CFL2: variants seen among roughly 807,000 people sequenced by gnomAD.
CFL2 encodes cofilin-2.
In CFL2, 10 loss-of-function variants were observed where a neutral mutation model predicts 19.6. The observed-to-expected ratio is 0.51, with a 90% CI of 0.31 to 0.86. The LOEUF (loss-of-function observed/expected upper bound fraction) is 0.86, where lower values mean the gene tolerates loss of function less well. CFL2 is among the 40% of genes least tolerant of loss of function. The pLI, the probability that CFL2 is intolerant of heterozygous loss-of-function variation, is 0.04. For missense variants in CFL2, 125 were observed against 192.1 expected (o/e 0.65, Z 2.06); for synonymous variants, 63 against 66.7 (o/e 0.95, Z 0.27).
chr14:34,711,520 T>C lies in CFL2; in HGVS notation c.*1345A>G, dbSNP rs2138469414. 2.2e-6 allele frequency: 1 copy of C among 454,538 alleles called. No homozygotes were observed. The highest frequency in any genetic ancestry group is 4.4e-6 in the Non-Finnish European group (1 of 226,792). The allele number at this position is 454,538 out of a possible 1,614,324, so 28.2% of individuals were successfully genotyped here. A position where few individuals can be genotyped will look rare whatever the true frequency, so the allele number is the denominator to read the frequency against. The stretch of plus-strand genomic sequence containing the variant: ...ATTTGCAAAATATATTCAGAAATAG[T>C]AGGTGAAATGACTGTTCCGAAACAT... On this transcript the variant is annotated 3_prime_UTR_variant, in exon 4 of 4. Coordinates refer to ENST00000298159, the MANE Select transcript of CFL2 (RefSeq NM_138638.5).
At position 34,709,655 on chromosome 14, in the gene CFL2, G is replaced by T. The variant is rs1885220190; in HGVS notation, c.*3210C>A. Reference sequence around the variant, plus strand: ...AAAAAAAAAAAAATTAGGCATGGTGGTGCATGCCTGTAGTCCCAGCTACTT... The same window carrying T: ...AAAAAAAAAAAAATTAGGCATGGTGTTGCATGCCTGTAGTCCCAGCTACTT... On this transcript the variant is annotated 3_prime_UTR_variant, in exon 4 of 4. Coordinates refer to ENST00000298159, the MANE Select transcript of CFL2 (RefSeq NM_138638.5). 6.6e-6 allele frequency: 1 copy of T among 150,716 alleles called. No homozygotes were observed. Among genetic ancestry groups the T allele is most frequent in the Non-Finnish European group, 1.5e-5 (1 of 67,866 alleles). The allele number at this position is 150,716 out of a possible 1,614,324, so 9.3% of individuals were successfully genotyped here.
chr14:34,713,587 T>C, intron 1 of CFL2, 26 bp from the exon 2 acceptor site: 1 of 1,613,960 alleles, frequency 6.2e-7, no homozygotes, highest in Non-Finnish European at 8.5e-7. Context: ...GAACAGTAAT[T>C]CAGAACACGT....
intron 1 of CFL2, 93 bp downstream of exon 1, chr14:34,714,445 A>G: frequency 6.7e-7 from 1 of 1,482,038 alleles, no homozygotes; most frequent in South Asian, 1.3e-5. Flanking sequence ...CTTGGAGGCC[A>G]AAATCAGGTT....
At chr14:34,714,399 T>A in intron 1 of CFL2, 139 bp downstream of exon 1, 1 of 1,344,148 alleles carries the variant, frequency 7.4e-7, no homozygotes, top group Non-Finnish European at 9.7e-7. Context: ...GCCGGTCGGC[T>A]GGAGAGCAGC....
chr14:34,713,205 T>G (rs1400663994), intron 2 of CFL2, 49 bp downstream of exon 2: 12 of 1,587,840 alleles, frequency 7.6e-6, no homozygotes, highest in Non-Finnish European at 1.0e-5. Flanking sequence ...ACTATGATAA[T>G]AATAATCCTT....
chr14:34,713,900 C>A, intron 1 of CFL2: 1 of 1,332,156 alleles, frequency 7.5e-7, no homozygotes, highest in Admixed American at 2.8e-5. Context: ...GTCAACTCGG[C>A]TGGCCTTAAA....
At position 34,711,553 on chromosome 14, in the gene CFL2, A is replaced by C. The variant is rs1397720117; in HGVS notation, c.*1312T>G. 4 of 454,432 alleles carry C rather than the reference A, an allele frequency of 8.8e-6. No individual in the cohort carries two copies. The highest frequency in any genetic ancestry group is 2.3e-5 in the Admixed American group (1 of 42,558). 28.1% of individuals were successfully genotyped at this position (454,432 alleles called of 1,614,324 possible). A position where few individuals can be genotyped will look rare whatever the true frequency, so the allele number is the denominator to read the frequency against. ...ATGACTGTTCCGAAACATCAGAAGT[A>C]TCATTAAACTTTTAAAGGACATTTT... On this transcript the variant is annotated 3_prime_UTR_variant, in exon 4 of 4. Coordinates refer to ENST00000298159, the MANE Select transcript of CFL2 (RefSeq NM_138638.5).
chr14:34,713,710 G>C, intron 1 of CFL2, 149 bp from the exon 2 acceptor site: 1 of 1,612,502 alleles, frequency 6.2e-7, no homozygotes, highest in Non-Finnish European at 8.5e-7. Flanking sequence ...CACATTTTAA[G>C]AATCAGTAGA....
chr14:34,709,329 A>G lies in CFL2; in HGVS notation c.*3536T>C, dbSNP rs914753896. On this transcript the variant is annotated 3_prime_UTR_variant, in exon 4 of 4. Transcript: ENST00000298159. ...GAGATTTAATTTGCCAAATTGCATT[A>G]TGAGAGGAAATTTAAGTGGAGGGAT... 104 of 152,272 alleles carry G rather than the reference A, an allele frequency of 6.8e-4. No individual in the cohort carries two copies. Among genetic ancestry groups the G allele is most frequent in the African/African-American group, 2.5e-3 (102 of 41,560 alleles). 9.4% of individuals were successfully genotyped at this position (152,272 alleles called of 1,614,324 possible).
At chr14:34,714,413 G>A (rs1443144095) in intron 1 of CFL2, 125 bp downstream of exon 1, 1 of 1,395,864 alleles carries the variant, frequency 7.2e-7, no homozygotes, top group Non-Finnish European at 9.4e-7. Flanking sequence ...GAGCAGCGGA[G>A]CCGCAGAGCA....
At position 34,710,847 on chromosome 14, in the gene CFL2, T is replaced by C. The variant is rs1194600657; in HGVS notation, c.*2018A>G. On this transcript the variant is annotated 3_prime_UTR_variant, in exon 4 of 4. Coordinates refer to ENST00000298159, the MANE Select transcript of CFL2 (RefSeq NM_138638.5). ...TACTACATAACTGATTTATAGTCCC[T>C]TATTTTTTAAAAGAATGAGGAAATA... 1 of 453,922 alleles carries C rather than the reference T, an allele frequency of 2.2e-6. No homozygotes were observed. The highest frequency in any genetic ancestry group is 2.4e-5 in the Admixed American group (1 of 42,544). 28.1% of individuals were successfully genotyped at this position (453,922 alleles called of 1,614,324 possible).
rs1885272896 is a variant in CFL2, at chr14:34,711,155, A to G, written c.*1710T>C. 1 of 453,342 alleles carries G rather than the reference A, an allele frequency of 2.2e-6. No homozygotes were observed. The highest frequency in any genetic ancestry group is 2.0e-5 in the African/African-American group (1 of 49,920). The allele number at this position is 453,342 out of a possible 1,614,324, so 28.1% of individuals were successfully genotyped here. Reference sequence around the variant, plus strand: ...AATATGGAAAAAATCTAATTATACTAAAATTACTTCCACACATTCAAAAAA... The same window carrying G: ...AATATGGAAAAAATCTAATTATACTGAAATTACTTCCACACATTCAAAAAA... On this transcript the variant is annotated 3_prime_UTR_variant, in exon 4 of 4. Transcript: ENST00000298159.
chr14:34,713,527 T>C lies in CFL2; in HGVS notation c.38A>G (p.Lys13Arg). The C allele has an allele frequency of 6.2e-7, 1 of 1,614,070 alleles. No individual in the cohort carries two copies. Among genetic ancestry groups the C allele is most frequent in the Non-Finnish European group, 8.5e-7 (1 of 1,180,010 alleles). The change falls in exon 2 of 4, where the codon AAA becomes AGA. Residue 13 changes from lysine to arginine, a missense_variant. Coordinates refer to ENST00000298159, the MANE Select transcript of CFL2 (RefSeq NM_138638.5). ...SGVTVNDEVI[K>R]VFNDMKVRKS... ...CCTTACTTTCATATCATTAAAAACT[T>C]TGATGACTTCATCATTCACTGTAAC...
intron 1 of CFL2, chr14:34,714,289 C>T (rs1885419584): frequency 6.0e-6 from 3 of 500,390 alleles, no homozygotes; most frequent in Non-Finnish European, 9.9e-6. Context: ...CGCGCCCCCG[C>T]CCGCCCGGCC....
chr14:34,713,230 C>G (rs1219561356), intron 2 of CFL2, 24 bp downstream of exon 2: 1 of 1,601,658 alleles, frequency 6.2e-7, no homozygotes. Flanking sequence ...TTTAAAAGTA[C>G]TTTTTTCTTT....
chr14:34,710,468 T>C lies in CFL2; in HGVS notation c.*2397A>G. ...TACATATTTTCATATATTTTATTTT[T>C]TAAACTCTCATAACTTTGCAAGCTA... On this transcript the variant is annotated 3_prime_UTR_variant, in exon 4 of 4. Coordinates refer to ENST00000298159, the MANE Select transcript of CFL2 (RefSeq NM_138638.5). 4.6e-6 allele frequency: 2 copies of C among 434,664 alleles called. No homozygotes were observed. The highest frequency in any genetic ancestry group is 3.4e-5 in the South Asian group (2 of 58,562). 26.9% of individuals were successfully genotyped at this position (434,664 alleles called of 1,614,324 possible). A position where few individuals can be genotyped will look rare whatever the true frequency, so the allele number is the denominator to read the frequency against.
Position 34,714,439 on chromosome 14 carries a change from G to A in CFL2, c.3+99C>T, listed in dbSNP as rs17523492. 0.061 allele frequency: 89,230 copies of A among 1,471,288 alleles called. 10,275 individuals are homozygous for A. In the East Asian group the frequency reaches 0.63, roughly 10 times the overall value. 91.1% of individuals were successfully genotyped at this position (1,471,288 alleles called of 1,614,324 possible). On this transcript the variant is annotated intron_variant, in intron 1 of 3. Transcript: ENST00000298159. Reference sequence around the variant, plus strand: ...CCGCAGAGCAGAAGCGCCCACCTTGGAGGCCAAAATCAGGTTAAAATGGCG... The same window carrying A: ...CCGCAGAGCAGAAGCGCCCACCTTGAAGGCCAAAATCAGGTTAAAATGGCG...
rs1345176615 is a variant in CFL2 at position 34,709,677 on chromosome 14, A to G, written c.*3188T>C. 2 of 147,770 alleles carry G rather than the reference A, an allele frequency of 1.4e-5. No homozygotes were observed. Among genetic ancestry groups the G allele is most frequent in the African/African-American group, 5.0e-5 (2 of 39,962 alleles). 9.2% of individuals were successfully genotyped at this position (147,770 alleles called of 1,614,324 possible). A position where few individuals can be genotyped will look rare whatever the true frequency, so the allele number is the denominator to read the frequency against. ...GTGGTGCATGCCTGTAGTCCCAGCT[A>G]CTTGGGAGGCTGAGGTGGGAGGATC... On this transcript the variant is annotated 3_prime_UTR_variant, in exon 4 of 4. Coordinates refer to ENST00000298159, the MANE Select transcript of CFL2 (RefSeq NM_138638.5).
At chr14:34,713,673 C>G in intron 1 of CFL2, 112 bp from the exon 2 acceptor site, 1 of 1,613,246 alleles carries the variant, frequency 6.2e-7, no homozygotes. Flanking sequence ...TTGCACCGTA[C>G]CATGTAAGTC....
Sources: gnomAD v4.1 joint callset for allele counts on GRCh38, gnomAD v4.1.1 for gene constraint, MANE v1.5 for transcripts, NCBI Gene and HGNC (gene_info 2026-07-23, HGNC 2026-07-21) for gene names.